Variants in TRIM7 observed in about 807,000 individuals in gnomAD.
The protein encoded by TRIM7 is E3 ubiquitin-protein ligase TRIM7.
Under a neutral mutation model 37.9 loss-of-function variants are expected in TRIM7, and 32 were observed. The observed-to-expected ratio is 0.84, with a 90% confidence interval of 0.64 to 1.13. The LOEUF is 1.13. TRIM7 is among the 50% of genes most tolerant of loss of function. TRIM7 has a pLI of 0.00. For missense variants in TRIM7, 732 were observed against 714.0 expected (o/e 1.03, Z -0.29); for synonymous variants, 351 against 321.3 (o/e 1.09, Z -0.99).
At chr5:181,202,178 C>CTTT (rs71593427) in intron 2 of TRIM7, 2 of 131,876 alleles carry the variant, frequency 1.5e-5, no homozygotes, top group East Asian at 2.2e-4. Flanking sequence ...TCCTTTCATT[C>CTTT]TTTTTTTTTT....
Position 181,195,309 on chromosome 5 carries a change from G to C in TRIM7, c.1393C>G (p.Leu465Val), listed in dbSNP as rs990859898. 1.3e-6 allele frequency: 2 copies of C among 1,599,804 alleles called. No individual in the cohort carries two copies. Among genetic ancestry groups the C allele is most frequent in the African/African-American group, 1.3e-5 (1 of 74,604 alleles). The change falls in exon 7 of 7, where the codon CTG becomes GTG. Residue 465 changes from leucine to valine, a missense_variant. Coordinates refer to ENST00000274773, the MANE Select transcript of TRIM7 (RefSeq NM_203293.3). The part of the protein sequence containing the change: ...CGHLSRVRVA[L>V]DLEVGAVSFY... ...GACACGGCTCCCACCTCCAGGTCCA[G>C]GGCCACCCGCACGCGCGACAGGTGC...
rs1299555468 is a variant in TRIM7 at position 181,195,224 on chromosome 5, C to T, written c.1478G>A (p.Arg493His). Residue 493 changes from arginine to histidine, a missense_variant, in exon 7 of 7, where the codon CGC (arginine) becomes CAC (histidine). By Grantham distance (29) the Arg-to-His change is conservative. Coordinates refer to ENST00000274773, the MANE Select transcript of TRIM7 (RefSeq NM_203293.3). ...GCAAACAGAGAAAAGCGGGAACACG[C>T]GCTCCTGGAAGTTGACGCGGAAGGT... ...LYTFRVNFQE[R>H]VFPLFSVCST... is the part of the protein sequence containing the mutation. 1 of 1,612,794 alleles carries T rather than the reference C, an allele frequency of 6.2e-7. No individual in the cohort carries two copies. Among genetic ancestry groups the T allele is most frequent in the Non-Finnish European group, 8.5e-7 (1 of 1,179,362 alleles).
intron 2 of TRIM7, among the ~76,000 whole-genome samples, chr5:181,201,277 A>G (rs1453699625): frequency 1.3e-5 from 2 of 152,164 alleles, no homozygotes; most frequent in Admixed American, 6.5e-5. Context: ...ATTGTTGACA[A>G]CCAAAAATAT....
intron 2 of TRIM7, chr5:181,202,536 G>GA (rs1251192606): frequency 6.6e-6 from 1 of 150,658 alleles, no homozygotes; most frequent in Non-Finnish European, 1.5e-5. Flanking sequence ...TTGCAAGGTA[G>GA]AAAATGACCG....
At chr5:181,200,233 T>G (rs920588278) in intron 2 of TRIM7, 152 bp from the exon 3 acceptor site, 10 of 1,524,222 alleles carry the variant, frequency 6.6e-6, no homozygotes, top group Middle Eastern at 2.1e-4. Context: ...CGTGCTCTAT[T>G]GTCAGTGTCC....
intron 2 of TRIM7, chr5:181,203,295 T>A (rs563085938): frequency 7.6e-7 from 1 of 1,314,654 alleles, no homozygotes. Flanking sequence ...AGCGTCCTGA[T>A]TCGCTGGGAC....
chr5:181,203,457 C>G, intron 2 of TRIM7, 88 bp downstream of exon 2: 1 of 1,571,716 alleles, frequency 6.4e-7, no homozygotes, highest in South Asian at 1.2e-5. Context: ...CCATAGCACA[C>G]ACTCCAACAC....
In TRIM7 at chr5:181,205,050, C is replaced by T; in HGVS notation, c.61G>A (p.Ala21Thr). The change falls in exon 1 of 7, where the codon GCA (alanine) becomes ACA (threonine). Residue 21 changes from alanine (A) to threonine (T), a missense_variant. Physicochemically the swap from Ala to Thr is moderately conservative, Grantham distance 58. Coordinates refer to ENST00000274773, the MANE Select transcript of TRIM7 (RefSeq NM_203293.3). ...CACGTCGCCTCGCCCTGCAGCTCTG[C>T]CGCCAGCGCTAGAGCCTCGGCGCCG... Reference protein sequence around the residue: ...GTGAEALALAAELQGEATCSI... With the variant: ...GTGAEALALATELQGEATCSI... The T allele has an allele frequency of 7.1e-7, 1 of 1,409,962 alleles. No homozygotes were observed. Among genetic ancestry groups the T allele is most frequent in the Non-Finnish European group, 9.2e-7 (1 of 1,088,454 alleles). 87.3% of individuals were successfully genotyped at this position (1,409,962 alleles called of 1,614,324 possible). A position where few individuals can be genotyped will look rare whatever the true frequency, so the allele number is the denominator to read the frequency against.
intron 1 of TRIM7, 166 bp downstream of exon 1, chr5:181,204,423 C>T: frequency 8.6e-7 from 1 of 1,156,918 alleles, no homozygotes; most frequent in Non-Finnish European, 1.1e-6. Context: ...CAGAGAACCG[C>T]GCTCAGCCCG....
Position 181,198,165 on chromosome 5 carries a change from T to G in TRIM7, c.1024+18A>C, listed in dbSNP as rs768986859. 6.2e-7 allele frequency: 1 copy of G among 1,613,878 alleles called. No homozygotes were observed. Among genetic ancestry groups the G allele is most frequent in the East Asian group, 2.2e-5 (1 of 44,870 alleles). On this transcript the variant is annotated intron_variant, in intron 6 of 6. Coordinates refer to ENST00000274773, the MANE Select transcript of TRIM7 (RefSeq NM_203293.3). ...TGTGGCAGACAGTCCATACTCGCCA[T>G]CACAGCACCATCCCTACCTTTCTCC...
At position 181,200,223 on chromosome 5, in the gene TRIM7, C is replaced by T. The variant is rs115623830; in HGVS notation, c.619-142G>A. 1.3e-3 allele frequency: 1,941 copies of T among 1,544,642 alleles called. 27 individuals carry two copies. The African/African-American group carries it at 0.024, about 19-fold the overall frequency. On this transcript the variant is annotated intron_variant, in intron 2 of 6. Transcript: ENST00000274773. ...GACACACCCACCTACGCACGCAGTG[C>T]GTGCTCTATTGTCAGTGTCCCAGCT...
chr5:181,201,081 T>A, intron 2 of TRIM7: 1 of 223,094 alleles, frequency 4.5e-6, no homozygotes, highest in Non-Finnish European at 7.5e-6. Flanking sequence ...GCCAGTTGCC[T>A]CACAAGGAGG....
chr5:181,201,915 G>C (rs1757511474), intron 2 of TRIM7, among the ~76,000 whole-genome samples: 1 of 152,140 alleles, frequency 6.6e-6, no homozygotes, highest in African/African-American at 2.4e-5. Context: ...AGCTGCATTG[G>C]GAGTCATTTC....
In TRIM7 at chr5:181,204,851, G is replaced by C; in HGVS notation, c.260C>G (p.Pro87Arg). Reference protein sequence around the residue: ...PCPQCREPARPSQLRPNRQLA... With the variant: ...PCPQCREPARRSQLRPNRQLA... Reference sequence around the variant, plus strand: ...CTGCCGGTTGGGCCGCAGCTGACTGGGGCGCGCGGGCTCGCGGCACTGCGG... The same window carrying C: ...CTGCCGGTTGGGCCGCAGCTGACTGCGGCGCGCGGGCTCGCGGCACTGCGG... The change falls in exon 1 of 7, where the codon CCC becomes CGC. Residue 87 changes from proline to arginine, a missense_variant. Pro to Arg is a moderately radical substitution (Grantham distance 103). Coordinates refer to ENST00000274773, the MANE Select transcript of TRIM7 (RefSeq NM_203293.3). 2 of 1,342,302 alleles carry C rather than the reference G, an allele frequency of 1.5e-6. No homozygotes were observed. Among genetic ancestry groups the C allele is most frequent in the Non-Finnish European group, 1.9e-6 (2 of 1,055,964 alleles). 83.1% of individuals were successfully genotyped at this position (1,342,302 alleles called of 1,614,324 possible). A position where few individuals can be genotyped will look rare whatever the true frequency, so the allele number is the denominator to read the frequency against.
At chr5:181,198,994 G>C in intron 4 of TRIM7, 101 bp downstream of exon 4, 1 of 1,498,318 alleles carries the variant, frequency 6.7e-7, no homozygotes, top group East Asian at 2.3e-5. Flanking sequence ...CAAGTCGGGG[G>C]ATCAGGAGGT....
chr5:181,195,548 C>CG lies in TRIM7; in HGVS notation c.1153dup (p.Arg385ProfsTer22). ...GGAGAAGCCGCAGGACGCCAGGACG[C>CG]GGGTGTTGGTGTCGAAGCGGCAGGG... On this transcript the variant is annotated frameshift_variant, in exon 7 of 7. Transcript: ENST00000274773. LOFTEE classifies it low-confidence loss of function (END_TRUNC). The CG allele has an allele frequency of 6.2e-7, 1 of 1,611,830 alleles. No homozygotes were observed.
chr5:181,204,934 G>T lies in TRIM7; in HGVS notation c.177C>A (p.Arg59=), dbSNP rs1464852109. ...CRACIGRCWE[R]PGAGSVGAAT... ...CGGCCCCAACAGACCCCGCGCCCGG[G>T]CGCTCCCAGCAGCGCCCTATGCAGG... The change falls in exon 1 of 7, where the codon CGC becomes CGA. Residue 59 remains arginine (R), a synonymous_variant. Coordinates refer to ENST00000274773, the MANE Select transcript of TRIM7 (RefSeq NM_203293.3). 7.1e-7 allele frequency: 1 copy of T among 1,412,254 alleles called. No individual in the cohort carries two copies. The highest frequency in any genetic ancestry group is 3.0e-5 in the East Asian group (1 of 33,068). 87.5% of individuals were successfully genotyped at this position (1,412,254 alleles called of 1,614,324 possible).
Position 181,204,569 on chromosome 5 carries a change from T to G in TRIM7, c.522+20A>C. On this transcript the variant is annotated intron_variant, in intron 1 of 6. Coordinates refer to ENST00000274773, the MANE Select transcript of TRIM7 (RefSeq NM_203293.3). ...CAGGGGGTCCCGGGGACCCACGGGG[T>G]GGGTGGGGGCTGCGCTCACCTTGGC... is the stretch of plus-strand genomic sequence containing the variant. 1 of 1,359,676 alleles carries G rather than the reference T, an allele frequency of 7.4e-7. No individual in the cohort carries two copies. The allele number at this position is 1,359,676 out of a possible 1,614,324, so 84.2% of individuals were successfully genotyped here.
intron 1 of TRIM7, chr5:181,204,170 G>A: frequency 2.0e-6 from 2 of 1,008,228 alleles, no homozygotes; most frequent in Non-Finnish European, 2.4e-6. Flanking sequence ...GTTCCACGAG[G>A]TGGGGACTTT....
Sources: allele counts gnomAD v4.1 joint callset (sites outside exome capture counted in the v4.1 genomes callset), GRCh38; gene constraint gnomAD v4.1.1; transcripts MANE v1.5; gene names NCBI Gene and HGNC (gene_info 2026-07-23, HGNC 2026-07-21).